CPED1: variants seen among roughly 807,000 people sequenced by gnomAD.
The protein encoded by CPED1 is cadherin like and PC-esterase domain containing 1.
In CPED1, 114 loss-of-function variants were observed where a neutral mutation model predicts 128.2. That is an observed-to-expected ratio of 0.89 (90% CI 0.76 to 1.04). The LOEUF (loss-of-function observed/expected upper bound fraction) is 1.04, where lower values mean the gene tolerates loss of function less well. Among genes scored for constraint, CPED1 ranks in the 50% least tolerant of loss-of-function variants. The pLI is 0.00. For missense variants in CPED1, 1,211 were observed against 1,207.1 expected (o/e 1.00, Z -0.05); for synonymous variants, 462 against 426.7 (o/e 1.08, Z -1.02).
At chr7:121,205,282 T>A (rs914078383) in intron 16 of CPED1, among the ~76,000 whole-genome samples, 10 of 152,074 alleles carry the variant, frequency 6.6e-5, no homozygotes, top group Non-Finnish European at 1.5e-4. Context: ...AATGTGGGAT[T>A]TTATACATCC....
At chr7:121,079,937 A>G (rs768577679) in intron 5 of CPED1, among the ~76,000 whole-genome samples, 15 of 152,210 alleles carry the variant, frequency 9.9e-5, no homozygotes, top group Non-Finnish European at 2.2e-4. Flanking sequence ...CTGACAATTA[A>G]TTCTGATTTT....
chr7:121,208,209 A>G (rs1797563959), intron 16 of CPED1, among the ~76,000 whole-genome samples: 1 of 152,030 alleles, frequency 6.6e-6, no homozygotes, highest in African/African-American at 2.4e-5. Context: ...GCTTAATTTT[A>G]TTTTATATAT....
chr7:121,097,603 T>C (rs1794729946), intron 5 of CPED1, 96 bp from the exon 6 acceptor site: 13 of 1,375,378 alleles, frequency 9.5e-6, no homozygotes, highest in Non-Finnish European at 1.3e-5. Flanking sequence ...ATATTTCTCA[T>C]GTACCCTGCA....
intron 3 of CPED1, among the ~76,000 whole-genome samples, chr7:121,038,389 G>A (rs1443520814): frequency 1.3e-5 from 2 of 151,970 alleles, no homozygotes; most frequent in African/African-American, 4.8e-5. Flanking sequence ...TTAAAAATTG[G>A]AATTTATTTG....
chr7:121,057,472 T>C (rs1272382610), intron 4 of CPED1, among the ~76,000 whole-genome samples: 1 of 152,184 alleles, frequency 6.6e-6, no homozygotes, highest in African/African-American at 2.4e-5. Context: ...CTCACTGTGA[T>C]CTTTATGTCC....
At chr7:121,036,515 TTTC>T (rs1206241295) in intron 3 of CPED1, among the ~76,000 whole-genome samples, 292 of 142,590 alleles carry the variant, frequency 2.0e-3, no homozygotes, top group South Asian at 8.9e-3. Context: ...ATATTTTTTT[TTTC>T]TTTCTTTATC....
chr7:121,137,711 G>T (rs1429293532), intron 14 of CPED1, among the ~76,000 whole-genome samples: 2 of 152,002 alleles, frequency 1.3e-5, no homozygotes, highest in Non-Finnish European at 2.9e-5. Flanking sequence ...TTCCTTCCCT[G>T]CACTCACCAT....
At position 121,295,613 on chromosome 7, in the gene CPED1, C is replaced by T. The variant is rs763504487; in HGVS notation, c.3042C>T (p.Ile1014=). 1.5e-5 allele frequency: 25 copies of T among 1,613,876 alleles called. No homozygotes were observed. The South Asian group carries it at 2.5e-4, about 16-fold the overall frequency. Residue 1014 remains isoleucine (I), a synonymous_variant, in exon 23 of 23, where the codon ATC becomes ATT. Transcript: ENST00000310396. ...RGPINQVCSE[I]LLSRMCANKR... ...CAATAAATCAGGTTTGTTCTGAAAT[C>T]CTTCTCAGCAGGATGTGTGCAAATA...
chr7:121,175,120 G>C (rs2116480166), intron 16 of CPED1, among the ~76,000 whole-genome samples: 1 of 152,230 alleles, frequency 6.6e-6, no homozygotes, highest in East Asian at 1.9e-4. Context: ...GAGCTTTTGG[G>C]CTACGACCGT....
intron 16 of CPED1, among the ~76,000 whole-genome samples, chr7:121,185,112 A>G (rs12706321): frequency 0.025 from 3,737 of 152,180 alleles, 58 homozygotes; most frequent in Non-Finnish European, 0.037. Flanking sequence ...GCTCAGTACT[A>G]TCCTATCACC....
At chr7:121,107,910 G>A (rs954435181) in intron 7 of CPED1, among the ~76,000 whole-genome samples, 1 of 152,194 alleles carries the variant, frequency 6.6e-6, no homozygotes. Context: ...AAGGAAGACA[G>A]GCTTTTGCTC....
intron 7 of CPED1, 96 bp downstream of exon 7, chr7:121,100,190 T>G: frequency 9.6e-7 from 1 of 1,046,468 alleles, no homozygotes; most frequent in Non-Finnish European, 1.4e-6. Flanking sequence ...GGTTATCAAA[T>G]CCCATTGAAC....
In CPED1 at chr7:121,099,283, G is replaced by A. The variant is rs750321345; in HGVS notation, c.750-643G>A. ...AATGGTATCATGCATCTGAGGTCAC[G>A]GGTACTGTAACTAATTTATATATTT... On this transcript the variant is annotated intron_variant, in intron 6 of 22. Transcript: ENST00000310396. 5.3e-5 allele frequency among the ~76,000 whole-genome samples: 8 copies of A among 151,848 alleles called. No homozygotes were observed. In the South Asian group the frequency reaches 6.3e-4, roughly 12 times the overall value.
At chr7:121,063,381 GAAAAA>G (rs368502123) in intron 4 of CPED1, among the ~76,000 whole-genome samples, 1 of 67,042 alleles carries the variant, frequency 1.5e-5, no homozygotes, top group Non-Finnish European at 2.6e-5. Flanking sequence ...TGAAGAAACT[GAAAAA>G]AAAAAAAAAA....
intron 8 of CPED1, 57 bp downstream of exon 8, chr7:121,124,530 T>C (rs989578159): frequency 7.9e-7 from 1 of 1,273,462 alleles, no homozygotes; most frequent in Non-Finnish European, 1.0e-6. Flanking sequence ...AACCTATCTT[T>C]TAAAAATTGT....
chr7:121,259,839 A>G (rs958840744), intron 18 of CPED1, among the ~76,000 whole-genome samples: 4 of 152,080 alleles, frequency 2.6e-5, no homozygotes, highest in African/African-American at 9.6e-5. Context: ...CAATATTTAC[A>G]AAAAGTACTT....
chr7:121,088,385 C>T (rs1160774734), intron 5 of CPED1, among the ~76,000 whole-genome samples: 8 of 152,046 alleles, frequency 5.3e-5, no homozygotes, highest in Non-Finnish European at 1.0e-4. Context: ...TGAGGCCGGG[C>T]GCAGTGGCTC....
At chr7:121,008,134 A>G (rs1012919399) in intron 2 of CPED1, among the ~76,000 whole-genome samples, 7 of 152,140 alleles carry the variant, frequency 4.6e-5, no homozygotes, top group Non-Finnish European at 8.8e-5. Flanking sequence ...AAACAAAACA[A>G]GAAAAGCACT....
At chr7:121,216,209 C>T (rs769121071) in intron 16 of CPED1, among the ~76,000 whole-genome samples, 31 of 152,080 alleles carry the variant, frequency 2.0e-4, no homozygotes, top group Admixed American at 7.9e-4. Flanking sequence ...AGTATAGGAA[C>T]GAGTGGCCCA....
Sources: allele counts gnomAD v4.1 joint callset (sites outside exome capture counted in the v4.1 genomes callset), GRCh38; gene constraint gnomAD v4.1.1; transcripts MANE v1.5; gene names NCBI Gene and HGNC (gene_info 2026-07-23, HGNC 2026-07-21).